SCFD2: variants seen among roughly 807,000 people sequenced by gnomAD.
SCFD2 encodes sec1 family domain containing 2, also known as sec1 family domain-containing protein 2.
SCFD2 carries 54 observed loss-of-function variants against 58.9 expected under a neutral mutation model. The ratio of observed to expected loss-of-function variants is 0.92; its 90% CI spans 0.74 to 1.15. SCFD2 has a LOEUF of 1.15. Among genes scored for constraint, SCFD2 ranks in the 50% most tolerant of loss-of-function variants. SCFD2 has a pLI of 0.00. For missense variants in SCFD2, 805 were observed against 836.6 expected (o/e 0.96, Z 0.47); for synonymous variants, 321 against 335.9 (o/e 0.96, Z 0.49).
At chr4:53,229,570 C>G (rs9684948) in intron 4 of SCFD2, among the ~76,000 whole-genome samples, 148,484 of 152,312 alleles carry the variant, frequency 0.97, 72,499 homozygotes, top group Middle Eastern at 1. Flanking sequence ...CTGGCCATAT[C>G]TAGAGAACTG....
At chr4:53,359,782 G>A (rs1440266757) in intron 1 of SCFD2, among the ~76,000 whole-genome samples, 1 of 152,200 alleles carries the variant, frequency 6.6e-6, no homozygotes, top group African/African-American at 2.4e-5. Flanking sequence ...CATTAAAAAT[G>A]TGAGCATCAT....
intron 5 of SCFD2, among the ~76,000 whole-genome samples, chr4:52,987,901 C>G (rs1721534651): frequency 6.6e-6 from 1 of 152,170 alleles, no homozygotes; most frequent in African/African-American, 2.4e-5. Flanking sequence ...TGTGGAGGAA[C>G]TGCAAGTGAG....
At chr4:53,060,609 AC>A (rs2148839786) in intron 5 of SCFD2, among the ~76,000 whole-genome samples, 1 of 152,262 alleles carries the variant, frequency 6.6e-6, no homozygotes, top group Non-Finnish European at 1.5e-5. Context: ...ATCTCAACAT[AC>A]TGAATGCAAA....
chr4:53,283,846 G>A (rs966264799), intron 3 of SCFD2, among the ~76,000 whole-genome samples: 2 of 151,968 alleles, frequency 1.3e-5, no homozygotes, highest in African/African-American at 2.4e-5. Context: ...GGCCAGGCAC[G>A]GTGTCTCACG....
chr4:53,210,645 C>A (rs1334300174), intron 4 of SCFD2, among the ~76,000 whole-genome samples: 5 of 151,996 alleles, frequency 3.3e-5, no homozygotes, highest in Non-Finnish European at 7.4e-5. Context: ...ATATTTATTT[C>A]TATTTTTATT....
chr4:52,936,014 T>A (rs1247996387), intron 5 of SCFD2, among the ~76,000 whole-genome samples: 7 of 152,058 alleles, frequency 4.6e-5, no homozygotes, highest in Non-Finnish European at 7.4e-5. Flanking sequence ...ATTTTGTATT[T>A]TTAGTAGAGA....
At chr4:53,033,744 A>G (rs1184818251) in intron 5 of SCFD2, among the ~76,000 whole-genome samples, 1 of 152,136 alleles carries the variant, frequency 6.6e-6, no homozygotes, top group Non-Finnish European at 1.5e-5. Flanking sequence ...TCCTGGACAC[A>G]ACACCCTCCC....
chr4:53,097,310 T>C lies in SCFD2; in HGVS notation c.1561+48023A>G, dbSNP rs542587987. Among the ~76,000 whole-genome samples the C allele has an allele frequency of 2.0e-5, 3 of 152,344 alleles. No individual in the cohort carries two copies. In the South Asian group the frequency reaches 6.2e-4, roughly 32 times the overall value. On this transcript the variant is annotated intron_variant, in intron 5 of 8. Transcript: ENST00000401642. ...AATCTATAAATTACCTTGGGCAGTATGGCTATTTTCACGATATTGATTCTT... is the reference window on the plus strand; with the variant it reads ...AATCTATAAATTACCTTGGGCAGTACGGCTATTTTCACGATATTGATTCTT...
chr4:53,177,411 A>G (rs1727373032), intron 4 of SCFD2, among the ~76,000 whole-genome samples: 1 of 147,070 alleles, frequency 6.8e-6, no homozygotes, highest in Admixed American at 7.0e-5. Flanking sequence ...GGGTTAGGAG[A>G]AGGGAGAGGG....
intron 8 of SCFD2, among the ~76,000 whole-genome samples, 191 bp from the exon 9 acceptor site, chr4:52,874,252 A>C (rs796548523): frequency 5.3e-5 from 8 of 152,188 alleles, no homozygotes; most frequent in South Asian, 2.1e-4. Flanking sequence ...GGAGGGGGGC[A>C]CAGTCTGGGA....
At chr4:53,324,079 A>G (rs2149122528) in intron 2 of SCFD2, among the ~76,000 whole-genome samples, 1 of 152,258 alleles carries the variant, frequency 6.6e-6, no homozygotes, top group South Asian at 2.1e-4. Context: ...CTTGTGGACT[A>G]GAAGCACACC....
intron 2 of SCFD2, among the ~76,000 whole-genome samples, chr4:53,350,178 A>T (rs1221951040): frequency 2.0e-5 from 3 of 152,268 alleles, no homozygotes; most frequent in Admixed American, 6.5e-5. Flanking sequence ...ATCTTCTGAT[A>T]AGTGTTTCCA....
intron 3 of SCFD2, among the ~76,000 whole-genome samples, chr4:53,303,415 C>A (rs1732400689): frequency 1.3e-5 from 2 of 152,118 alleles, no homozygotes; most frequent in African/African-American, 2.4e-5. Flanking sequence ...CCACCTAACA[C>A]CAGTTAGAAT....
chr4:53,184,933 T>TGCATCTCTTTGCTAGAGG (rs1297903051), intron 4 of SCFD2, among the ~76,000 whole-genome samples: 1 of 152,108 alleles, frequency 6.6e-6, no homozygotes, highest in Non-Finnish European at 1.5e-5. Flanking sequence ...TTTGTTGTGA[T>TGCATCTCTTTGCTAGAGG]GAATTTGATG....
At chr4:52,879,603 C>A (rs1392392385) in intron 8 of SCFD2, among the ~76,000 whole-genome samples, 1 of 152,200 alleles carries the variant, frequency 6.6e-6, no homozygotes, top group East Asian at 1.9e-4. Flanking sequence ...GCCTTCAGCC[C>A]ACACTTGATA....
chr4:53,204,903 G>A (rs1254569276), intron 4 of SCFD2, among the ~76,000 whole-genome samples: 1 of 151,800 alleles, frequency 6.6e-6, no homozygotes, highest in African/African-American at 2.4e-5. Flanking sequence ...GTGAAGAAAT[G>A]CCTTCAAAAT....
intron 5 of SCFD2, among the ~76,000 whole-genome samples, chr4:52,989,153 T>C (rs1285025293): frequency 6.6e-6 from 1 of 152,242 alleles, no homozygotes; most frequent in Non-Finnish European, 1.5e-5. Context: ...CATTTGTTTC[T>C]GTAGGATGAA....
chr4:53,143,236 G>A lies in SCFD2; in HGVS notation c.1561+2097C>T, dbSNP rs114841642. Among the ~76,000 whole-genome samples, 697 of 152,216 alleles carry A rather than the reference G, an allele frequency of 4.6e-3. 2 individuals are homozygous for A. The highest frequency in any genetic ancestry group is 0.016 in the African/African-American group (670 of 41,546). On this transcript the variant is annotated intron_variant, in intron 5 of 8. Transcript: ENST00000401642. Reference sequence around the variant, plus strand: ...AAAAGTACCATAGCAACATATAAATGTTTAAAAAAGCTATCCAAATAACCT... The same window carrying A: ...AAAAGTACCATAGCAACATATAAATATTTAAAAAAGCTATCCAAATAACCT...
At chr4:53,047,945 T>C (rs1247623104) in intron 5 of SCFD2, among the ~76,000 whole-genome samples, 1 of 152,144 alleles carries the variant, frequency 6.6e-6, no homozygotes, top group African/African-American at 2.4e-5. Flanking sequence ...TGGTCACATG[T>C]GAGGGAATGT....
Sources: allele counts gnomAD v4.1 joint callset (sites outside exome capture counted in the v4.1 genomes callset), GRCh38; gene constraint gnomAD v4.1.1; transcripts MANE v1.5; gene names NCBI Gene and HGNC (gene_info 2026-07-23, HGNC 2026-07-21).